DMD: variants seen among roughly 807,000 people sequenced by gnomAD.
DMD encodes dystrophin.
A neutral mutation model predicts 330.1 loss-of-function variants in DMD; 63 were observed. The observed-to-expected ratio is 0.19, with a 90% CI of 0.16 to 0.24. The LOEUF (loss-of-function observed/expected upper bound fraction) is 0.24. DMD is among the 10% of genes least tolerant of loss of function. The pLI, the probability that DMD is intolerant of heterozygous loss-of-function variation, is 1.00. For synonymous variants in DMD, 1,223 were observed against 959.8 expected, an observed-to-expected ratio of 1.27 and a Z score of -5.07; for missense variants, 3,344 against 2,684.1, an observed-to-expected ratio of 1.25 and a Z score of -5.43.
rs1261322022 is a variant in DMD, at chrX:32,395,976, T to C, written c.4234-5795A>G. On this transcript the variant is annotated intron_variant, in intron 30 of 78. Coordinates refer to ENST00000357033, the MANE Select transcript of DMD (RefSeq NM_004006.3). ...TTTTTTCAAAGACTGCCCCTGGAAA[T>C]TCTAGAAGCTCAGCATTACAAAGCA... Among the ~76,000 whole-genome samples the C allele has an allele frequency of 2.7e-5, 3 of 111,239 alleles. No homozygotes were observed. In the East Asian group the frequency reaches 8.4e-4, roughly 31 times the overall value.
At chrX:32,491,233 T>C (rs751062485) in intron 20 of DMD, 44 bp downstream of exon 20, 2 of 1,200,724 alleles carry the variant, frequency 1.7e-6, no homozygotes, top group Non-Finnish European at 2.3e-6. Flanking sequence ...TGCCAAGAAA[T>C]ACCTATTGAT....
rs2051976363 is a variant in DMD, at chrX:31,274,911, T to C, written c.9225-13895A>G. On this transcript the variant is annotated intron_variant, in intron 62 of 78. Transcript: ENST00000357033. The stretch of plus-strand genomic sequence containing the variant: ...AATTTCAACATTGTAATCCAGTTTT[T>C]TTTTAAGTGGGATCCCAAGGAAATA... 2.7e-5 allele frequency among the ~76,000 whole-genome samples: 3 copies of C among 111,262 alleles called. No homozygotes were observed. In the South Asian group the frequency reaches 1.1e-3, roughly 42 times the overall value.
Position 32,648,082 on chromosome X carries a change from C to A in DMD, c.961-2930G>T, listed in dbSNP as rs1342631408. 4.5e-5 allele frequency among the ~76,000 whole-genome samples: 5 copies of A among 111,667 alleles called. No individual in the cohort carries two copies. The East Asian group carries it at 1.4e-3, about 31-fold the overall frequency. Reference sequence around the variant, plus strand: ...GTGCAATTTGAATCAAAATATTAAACACTTTATGATTTATTGATATTTACA... The same window carrying A: ...GTGCAATTTGAATCAAAATATTAAAAACTTTATGATTTATTGATATTTACA... On this transcript the variant is annotated intron_variant, in intron 9 of 78. Transcript: ENST00000357033.
chrX:32,888,966 C>T (rs985596413), intron 2 of DMD, among the ~76,000 whole-genome samples: 2 of 109,779 alleles, frequency 1.8e-5, no homozygotes, highest in East Asian at 2.9e-4. Flanking sequence ...CTATTTTCTC[C>T]GTCTCTGAGC....
chrX:31,578,828 C>T (rs959750069), intron 55 of DMD, among the ~76,000 whole-genome samples: 1 of 112,066 alleles, frequency 8.9e-6, no homozygotes, highest in African/African-American at 3.2e-5. Context: ...TCATTTCAAC[C>T]AACAATTATT....
In DMD at chrX:32,386,484, C is replaced by G; in HGVS notation, c.4519-19G>C. 1 of 1,160,592 alleles carries G rather than the reference C, an allele frequency of 8.6e-7. No homozygotes were observed. The highest frequency in any genetic ancestry group is 1.8e-5 in the African/African-American group (1 of 56,635). On this transcript the variant is annotated intron_variant, in intron 32 of 78. Transcript: ENST00000357033. The stretch of plus-strand genomic sequence containing the variant: ...ACAAGTTCTAAGTTTAAACATAAAA[C>G]AAAACATGATAATCAGTAGAGTTAA...
intron 78 of DMD, among the ~76,000 whole-genome samples, chrX:31,124,510 A>G (rs2033341869): frequency 8.9e-6 from 1 of 111,763 alleles, no homozygotes; most frequent in East Asian, 2.8e-4. Context: ...ATTTTTCTAA[A>G]GTCAAAATTA....
intron 1 of DMD, among the ~76,000 whole-genome samples, chrX:33,216,767 G>T (rs2052066371): frequency 9.0e-6 from 1 of 111,132 alleles, no homozygotes; most frequent in Non-Finnish European, 1.9e-5. Context: ...GATACATGTT[G>T]TAAAATGAAG....
intron 55 of DMD, among the ~76,000 whole-genome samples, chrX:31,626,932 A>G (rs1198086671): frequency 8.9e-6 from 1 of 111,771 alleles, no homozygotes; most frequent in Non-Finnish European, 1.9e-5. Flanking sequence ...CAAGTCAGAA[A>G]AACCAACTAT....
intron 1 of DMD, among the ~76,000 whole-genome samples, chrX:33,184,391 A>C (rs1054910518): frequency 2.7e-5 from 3 of 111,515 alleles, no homozygotes; most frequent in South Asian, 3.7e-4. Context: ...TCATATACGA[A>C]ATCCGATTTT....
chrX:33,234,727 G>T (rs368612586), intron 1 of DMD, among the ~76,000 whole-genome samples: 2 of 111,596 alleles, frequency 1.8e-5, no homozygotes, highest in Admixed American at 1.9e-4. Context: ...ATTAGCCACC[G>T]CTGCCATTCC....
intron 45 of DMD, among the ~76,000 whole-genome samples, chrX:31,946,131 A>G (rs1208639711): frequency 8.9e-6 from 1 of 112,378 alleles, no homozygotes; most frequent in African/African-American, 3.2e-5. Flanking sequence ...CCTGTTTCTA[A>G]GAAGAGCAGT....
rs185402738 is a variant in DMD, at chrX:32,696,727, C to T, written c.960+1143G>A. Among the ~76,000 whole-genome samples, 10 of 110,667 alleles carry T rather than the reference C, an allele frequency of 9.0e-5. 1 individual carries two copies. In the East Asian group the frequency reaches 2.9e-3, roughly 32 times the overall value. ...CTATATCTTTGCTTGGTGTATGCTC[C>T]TTAATCTTAGGAGGTGGCACTTATT... On this transcript the variant is annotated intron_variant, in intron 9 of 78. Coordinates refer to ENST00000357033, the MANE Select transcript of DMD (RefSeq NM_004006.3).
chrX:33,010,154 A>G (rs191683643), intron 2 of DMD, among the ~76,000 whole-genome samples: 1 of 103,701 alleles, frequency 9.6e-6, no homozygotes, highest in South Asian at 4.1e-4. Context: ...GTATATATAC[A>G]TGTGTGTATA....
At chrX:32,781,389 CTGT>C (rs1569519805) in intron 7 of DMD, among the ~76,000 whole-genome samples, 2 of 111,723 alleles carry the variant, frequency 1.8e-5, no homozygotes, top group African/African-American at 3.3e-5. Context: ...AGGACTCATA[CTGT>C]TGTTTACTCT....
intron 11 of DMD, among the ~76,000 whole-genome samples, chrX:32,637,535 G>A (rs965143540): frequency 3.6e-5 from 4 of 111,399 alleles, no homozygotes; most frequent in East Asian, 2.8e-4. Flanking sequence ...CACTCTCTGC[G>A]GTACCAATGT....
intron 44 of DMD, among the ~76,000 whole-genome samples, chrX:31,994,264 T>C (rs1177730294): frequency 8.9e-6 from 1 of 111,911 alleles, no homozygotes; most frequent in Non-Finnish European, 1.9e-5. Flanking sequence ...TGTCTAACCA[T>C]GCTAAAAATA....
At position 31,467,399 on chromosome X, in the gene DMD, C is replaced by T. The variant is rs188692433; in HGVS notation, c.8937+10707G>A. ...AGGGGTGTTGAATTTTATTGAAGGC[C>T]TTTTCCGCTTCTATTGAGATAATCA... On this transcript the variant is annotated intron_variant, in intron 59 of 78. Transcript: ENST00000357033. Among the ~76,000 whole-genome samples the T allele has an allele frequency of 3.9e-3, 432 of 111,293 alleles. 1 individual carries two copies. Among genetic ancestry groups the T allele is most frequent in the Non-Finnish European group, 5.9e-3 (313 of 53,074 alleles).
intron 52 of DMD, among the ~76,000 whole-genome samples, chrX:31,692,661 C>T (rs1713944953): frequency 9.0e-6 from 1 of 110,971 alleles, no homozygotes. Context: ...ATTGGACATC[C>T]TAACAGAAAT....
Sources: allele counts gnomAD v4.1 joint callset (sites outside exome capture counted in the v4.1 genomes callset), GRCh38; gene constraint gnomAD v4.1.1; transcripts MANE v1.5; gene names NCBI Gene and HGNC (gene_info 2026-07-23, HGNC 2026-07-21).